Variants in SLC35C1 observed in about 807,000 individuals in gnomAD.
SLC35C1 encodes GDP-fucose transporter 1.
A neutral mutation model predicts 23.2 loss-of-function variants in SLC35C1; 8 were observed. The ratio of observed to expected loss-of-function variants is 0.35; its 90% CI spans 0.20 to 0.62. The LOEUF (loss-of-function observed/expected upper bound fraction) is 0.62. Ranked by LOEUF, SLC35C1 falls within the 20% of genes least tolerant of loss-of-function variation. SLC35C1 has a pLI of 0.75. For synonymous variants in SLC35C1, 226 were observed against 225.1 expected (o/e 1.00, Z -0.04); for missense variants, 422 against 478.6 (o/e 0.88, Z 1.10).
In SLC35C1 at chr11:45,812,918, C is replaced by T. The variant is rs560449996; in HGVS notation, c.*1583C>T. On this transcript the variant is annotated 3_prime_UTR_variant, in exon 2 of 2. Transcript: ENST00000314134. ...CTAGGGAGAGCGGGTCTTCTCCCCC[C>T]TCCCTCTCCAGTCCCCTCACAATCC... 8.8e-5 allele frequency: 27 copies of T among 306,004 alleles called. No homozygotes were observed. The highest frequency in any genetic ancestry group is 5.6e-4 in the South Asian group (19 of 34,078). The allele number at this position is 306,004 out of a possible 1,614,324, so 19.0% of individuals were successfully genotyped here. A position where few individuals can be genotyped will look rare whatever the true frequency, so the allele number is the denominator to read the frequency against.
chr11:45,805,631 C>G lies in SLC35C1; in HGVS notation c.-171C>G. On this transcript the variant is annotated 5_prime_UTR_variant, in exon 1 of 2. Transcript: ENST00000314134. ...TTGTGGAGCAGCACAACTGGGCTCA[C>G]CCCAAAGCAGAACTTCTCAATCCAT... is the stretch of plus-strand genomic sequence containing the variant. 2 of 1,496,476 alleles carry G rather than the reference C, an allele frequency of 1.3e-6. No homozygotes were observed. The highest frequency in any genetic ancestry group is 1.8e-6 in the Non-Finnish European group (2 of 1,124,036). The allele number at this position is 1,496,476 out of a possible 1,614,324, so 92.7% of individuals were successfully genotyped here. A position where few individuals can be genotyped will look rare whatever the true frequency, so the allele number is the denominator to read the frequency against.
intron 1 of SLC35C1, among the ~76,000 whole-genome samples, chr11:45,809,133 G>A (rs2085908772): frequency 4.6e-5 from 7 of 152,180 alleles, no homozygotes; most frequent in Admixed American, 4.6e-4. Context: ...GTAATTGGTG[G>A]CTAAACACAT....
upstream of SLC35C1, chr11:45,805,053 G>A (rs924143550): frequency 1.0e-5 from 10 of 985,652 alleles, no homozygotes; most frequent in African/African-American, 1.7e-4. Flanking sequence ...CTCTGGGGCT[G>A]TCGCTTTAAG....
At chr11:45,810,620 G>T in intron 1 of SLC35C1, 156 bp from the exon 2 acceptor site, 1 of 985,402 alleles carries the variant, frequency 1.0e-6, no homozygotes, top group Admixed American at 6.1e-5. Context: ...CTGCAGTGGA[G>T]ACTCTGGCTG....
At position 45,810,982 on chromosome 11, in the gene SLC35C1, C is replaced by T. The variant is rs774081262; in HGVS notation, c.742C>T (p.Leu248=). The T allele has an allele frequency of 6.2e-6, 10 of 1,612,914 alleles. No homozygotes were observed. The Admixed American group carries it at 1.3e-4, about 21-fold the overall frequency. ...CATCCTCTTCCTGCCCCTGCTCCTG[C>T]TGCTCGGGGAGCTTCAGGCCCTGCG... ...ACILFLPLLL[L]LGELQALRDF... is the part of the protein sequence containing the mutation. The change falls in exon 2 of 2, where the codon CTG becomes TTG. Residue 248 remains leucine, a synonymous_variant. Coordinates refer to ENST00000314134, the MANE Select transcript of SLC35C1 (RefSeq NM_018389.5).
chr11:45,805,335 G>GGCCCCCCCCC lies in SLC35C1; in HGVS notation c.-467_-466insGCCCCCCCCC. 22 of 566,200 alleles carry GGCCCCCCCCC rather than the reference G, an allele frequency of 3.9e-5. No individual in the cohort carries two copies. Among genetic ancestry groups the GGCCCCCCCCC allele is most frequent in the South Asian group, 1.6e-4 (2 of 12,562 alleles). The allele number at this position is 566,200 out of a possible 1,614,324, so 35.1% of individuals were successfully genotyped here. A position where few individuals can be genotyped will look rare whatever the true frequency, so the allele number is the denominator to read the frequency against. Reference sequence around the variant, plus strand: ...GCTCCCTGTACGCCTCCCTCCCCCTGCCCGCCCCTCCCTCCCACAGCCGCC... The same window carrying GGCCCCCCCCC: ...GCTCCCTGTACGCCTCCCTCCCCCTGGCCCCCCCCCCCCGCCCCTCCCTCCCACAGCCGCC... On this transcript the variant is annotated 5_prime_UTR_variant, in exon 1 of 2. Transcript: ENST00000314134.
At chr11:45,804,594 A>G (rs1046634824), upstream of SLC35C1, 6 of 985,584 alleles carry the variant, frequency 6.1e-6, no homozygotes, top group African/African-American at 8.7e-5. Context: ...CACAGGGAGG[A>G]CAAACTGAAG....
rs1439339658 is a variant in SLC35C1 at position 45,805,359 on chromosome 11, C to T, written c.-443C>T. 4.2e-5 allele frequency: 42 copies of T among 1,001,004 alleles called. No individual in the cohort carries two copies. The highest frequency in any genetic ancestry group is 5.0e-5 in the Non-Finnish European group (42 of 839,042). The allele number at this position is 1,001,004 out of a possible 1,614,324, so 62.0% of individuals were successfully genotyped here. A position where few individuals can be genotyped will look rare whatever the true frequency, so the allele number is the denominator to read the frequency against. On this transcript the variant is annotated 5_prime_UTR_variant, in exon 1 of 2. Transcript: ENST00000314134. ...TGCCCGCCCCTCCCTCCCACAGCCG[C>T]CCATGACGCCCTCTCGGCACCTCTT... is the stretch of plus-strand genomic sequence containing the variant.
rs2085959005 is a variant in SLC35C1, at chr11:45,812,461, C to T, written c.*1126C>T. The T allele has an allele frequency of 2.5e-5, 11 of 435,256 alleles. No individual in the cohort carries two copies. Among genetic ancestry groups the T allele is most frequent in the Admixed American group, 1.5e-4 (6 of 40,320 alleles). The allele number at this position is 435,256 out of a possible 1,614,324, so 27.0% of individuals were successfully genotyped here. A position where few individuals can be genotyped will look rare whatever the true frequency, so the allele number is the denominator to read the frequency against. ...CCGGGTGGCTTACAAACAACAGAAA[C>T]GTATTGCTCACAGTCCTGGGGGGCT... On this transcript the variant is annotated 3_prime_UTR_variant, in exon 2 of 2. Transcript: ENST00000314134.
At chr11:45,804,656 C>T (rs1393280342), upstream of SLC35C1, 1 of 985,488 alleles carries the variant, frequency 1.0e-6, no homozygotes. Context: ...CCGGGGGTCT[C>T]GGGCTTGGGA....
At position 45,810,887 on chromosome 11, in the gene SLC35C1, C is replaced by T; in HGVS notation, c.647C>T (p.Thr216Ile). The T allele has an allele frequency of 1.9e-6, 3 of 1,612,392 alleles. No homozygotes were observed. Among genetic ancestry groups the T allele is most frequent in the Non-Finnish European group, 2.5e-6 (3 of 1,180,026 alleles). The stretch of plus-strand genomic sequence containing the variant: ...TGTGTCTCGCTCAACGCCATCTACA[C>T]CACGAAGGTGCTCCCGGCGGTGGAC... ...SLCVSLNAIY[T>I]TKVLPAVDGS... The change falls in exon 2 of 2, where the codon ACC (threonine) becomes ATC (isoleucine). Residue 216 changes from threonine to isoleucine, a missense_variant. Thr to Ile is a moderately conservative substitution (Grantham distance 89). Coordinates refer to ENST00000314134, the MANE Select transcript of SLC35C1 (RefSeq NM_018389.5).
chr11:45,806,354 C>T lies in SLC35C1; in HGVS notation c.535+18C>T. ...CATCATCGGTGAGTGGCAGCTGGGG[C>T]CACGGGGGATAGAGTGGTCATGGGG... On this transcript the variant is annotated intron_variant, in intron 1 of 1. Transcript: ENST00000314134. 1 of 1,610,950 alleles carries T rather than the reference C, an allele frequency of 6.2e-7. No homozygotes were observed. The highest frequency in any genetic ancestry group is 8.5e-7 in the Non-Finnish European group (1 of 1,179,736).
In SLC35C1 at chr11:45,811,312, G is replaced by A. The variant is rs1360465785; in HGVS notation, c.1072G>A (p.Glu358Lys). 7 of 1,534,540 alleles carry A rather than the reference G, an allele frequency of 4.6e-6. No homozygotes were observed. The highest frequency in any genetic ancestry group is 4.0e-5 in the Admixed American group (2 of 49,710). The change falls in exon 2 of 2, where the codon GAG becomes AAG. Residue 358 changes from glutamate to lysine, a missense_variant. Glu to Lys is a moderately conservative substitution (Grantham distance 56). Transcript: ENST00000314134. Reference sequence around the variant, plus strand: ...GGAGGAGCCCAGCCCCAAAGACAGCGAGAAGAGCGCCATGGGGGTGTGAGC... The same window carrying A: ...GGAGGAGCCCAGCCCCAAAGACAGCAAGAAGAGCGCCATGGGGGTGTGAGC... ...TPEEPSPKDS[E>K]KSAMGV
chr11:45,805,574 T>C lies in SLC35C1; in HGVS notation c.-228T>C. 1 of 1,449,220 alleles carries C rather than the reference T, an allele frequency of 6.9e-7. No individual in the cohort carries two copies. The allele number at this position is 1,449,220 out of a possible 1,614,324, so 89.8% of individuals were successfully genotyped here. ...CTATTCCTCTCCCTTGCCCTGTGTCTTGTCTCAGAGCCCCCTCGGGGTGGG... is the reference window on the plus strand; with the variant it reads ...CTATTCCTCTCCCTTGCCCTGTGTCCTGTCTCAGAGCCCCCTCGGGGTGGG... On this transcript the variant is annotated 5_prime_UTR_variant, in exon 1 of 2. Transcript: ENST00000314134.
In SLC35C1 at chr11:45,812,430, C is replaced by T. The variant is rs1299756117; in HGVS notation, c.*1095C>T. The T allele has an allele frequency of 1.2e-5, 5 of 400,834 alleles. No individual in the cohort carries two copies. The highest frequency in any genetic ancestry group is 1.1e-4 in the Admixed American group (4 of 36,520). 24.8% of individuals were successfully genotyped at this position (400,834 alleles called of 1,614,324 possible). Reference sequence around the variant, plus strand: ...CCAGCGAGCTCCTATATCAAAATGCCGTAGGCCGGGTGGCTTACAAACAAC... The same window carrying T: ...CCAGCGAGCTCCTATATCAAAATGCTGTAGGCCGGGTGGCTTACAAACAAC... On this transcript the variant is annotated 3_prime_UTR_variant, in exon 2 of 2. Coordinates refer to ENST00000314134, the MANE Select transcript of SLC35C1 (RefSeq NM_018389.5).
In SLC35C1 at chr11:45,810,905, C is replaced by A. The variant is rs1296974450; in HGVS notation, c.665C>A (p.Ala222Glu). 1.2e-6 allele frequency: 2 copies of A among 1,612,068 alleles called. No individual in the cohort carries two copies. The highest frequency in any genetic ancestry group is 1.7e-5 in the Admixed American group (1 of 60,012). Residue 222 changes from alanine to glutamate, a missense_variant, in exon 2 of 2, where the codon GCG (alanine) becomes GAG (glutamate). Ala to Glu is a moderately radical substitution (Grantham distance 107). Transcript: ENST00000314134. ...ATCTACACCACGAAGGTGCTCCCGG[C>A]GGTGGACGGCAGCATCTGGCGCCTG... ...NAIYTTKVLPAVDGSIWRLTF... is the reference protein window; with the variant it reads ...NAIYTTKVLPEVDGSIWRLTF...
At position 45,812,384 on chromosome 11, in the gene SLC35C1, C is replaced by G. The variant is rs2085957899; in HGVS notation, c.*1049C>G. 1 of 365,828 alleles carries G rather than the reference C, an allele frequency of 2.7e-6. No homozygotes were observed. Among genetic ancestry groups the G allele is most frequent in the Admixed American group, 3.5e-5 (1 of 28,442 alleles). 22.7% of individuals were successfully genotyped at this position (365,828 alleles called of 1,614,324 possible). A position where few individuals can be genotyped will look rare whatever the true frequency, so the allele number is the denominator to read the frequency against. On this transcript the variant is annotated 3_prime_UTR_variant, in exon 2 of 2. Coordinates refer to ENST00000314134, the MANE Select transcript of SLC35C1 (RefSeq NM_018389.5). ...TCCCTGAGGTTGTGGCTGACAGAGC[C>G]TGCTTGGCCCCACTGTTAGTCCAGC...
At chr11:45,809,188 T>G (rs2085909336) in intron 1 of SLC35C1, among the ~76,000 whole-genome samples, 1 of 152,090 alleles carries the variant, frequency 6.6e-6, no homozygotes, top group South Asian at 2.1e-4. Context: ...TTGGAAAAGG[T>G]AACCTCAGCT....
intron 1 of SLC35C1, 59 bp from the exon 2 acceptor site, chr11:45,810,711 CCTTCTT>C (rs111402424): frequency 6.4e-7 from 1 of 1,563,990 alleles, no homozygotes; most frequent in Admixed American, 1.8e-5. Context: ...GATCCTCTGT[CCTTCTT>C]CCTCCTCGTC....
Sources: gnomAD v4.1 joint callset for allele counts (sites outside exome capture counted in the v4.1 genomes callset) on GRCh38, gnomAD v4.1.1 for gene constraint, MANE v1.5 for transcripts, NCBI Gene and HGNC (gene_info 2026-07-23, HGNC 2026-07-21) for gene names.